Variants in SLCO6A1 observed in about 807,000 individuals in gnomAD.
SLCO6A1 encodes the protein cancer/testis antigen 48.
In SLCO6A1, 65 loss-of-function variants were observed where a neutral mutation model predicts 72.7. That is an observed-to-expected ratio of 0.89 (90% CI 0.73 to 1.10). The LOEUF (loss-of-function observed/expected upper bound fraction) is 1.10. Among genes scored for constraint, SLCO6A1 ranks in the 50% least tolerant of loss-of-function variants. The probability of loss-of-function intolerance (pLI) is 0.00; values close to 1 mark genes in which losing one functional copy is unlikely to be tolerated. For missense variants in SLCO6A1, 874 were observed against 872.6 expected, an observed-to-expected ratio of 1.00 and a Z score of -0.02; for synonymous variants, 314 against 298.2, an observed-to-expected ratio of 1.05 and a Z score of -0.55.
chr5:102,383,456 G>A (rs75053532), intron 12 of SLCO6A1, among the ~76,000 whole-genome samples: 2,436 of 151,542 alleles, frequency 0.016, 60 homozygotes, highest in African/African-American at 0.055. Flanking sequence ...TGAAATTATC[G>A]TATTATTTTT....
At chr5:102,425,082 A>C (rs549717462) in intron 7 of SLCO6A1, among the ~76,000 whole-genome samples, 20 of 152,318 alleles carry the variant, frequency 1.3e-4, no homozygotes, top group African/African-American at 4.6e-4. Flanking sequence ...CTTCATGCTA[A>C]AAACACTCAA....
At chr5:102,442,118 C>A (rs1749867706) in intron 6 of SLCO6A1, among the ~76,000 whole-genome samples, 1 of 152,086 alleles carries the variant, frequency 6.6e-6, no homozygotes. Flanking sequence ...GAATAAGAAA[C>A]AAATCTAGTT....
intron 6 of SLCO6A1, among the ~76,000 whole-genome samples, chr5:102,444,847 C>T (rs1750023657): frequency 6.6e-6 from 1 of 152,018 alleles, no homozygotes; most frequent in South Asian, 2.1e-4. Flanking sequence ...TTTTGTCACC[C>T]AGATAATCAG....
At chr5:102,434,244 C>A (rs1301666912) in intron 7 of SLCO6A1, among the ~76,000 whole-genome samples, 1 of 152,054 alleles carries the variant, frequency 6.6e-6, no homozygotes, top group Non-Finnish European at 1.5e-5. Flanking sequence ...GAGCACAGGA[C>A]AACTTTGCTT....
chr5:102,436,382 GT>G (rs1031563844), intron 7 of SLCO6A1, among the ~76,000 whole-genome samples: 1 of 152,126 alleles, frequency 6.6e-6, no homozygotes, highest in African/African-American at 2.4e-5. Flanking sequence ...TGCACATCAA[GT>G]TTCTGGGGGA....
chr5:102,479,064 G>T (rs1752054025), intron 2 of SLCO6A1, among the ~76,000 whole-genome samples: 1 of 152,060 alleles, frequency 6.6e-6, no homozygotes, highest in South Asian at 2.1e-4. Flanking sequence ...TTGGCTCTGT[G>T]TCCCCACCCT....
chr5:102,420,931 C>T (rs543526467), intron 7 of SLCO6A1, among the ~76,000 whole-genome samples: 9 of 152,032 alleles, frequency 5.9e-5, no homozygotes, highest in East Asian at 1.9e-4. Flanking sequence ...TTCATCTCAC[C>T]GGGACTCATT....
rs1440622039 is a variant in SLCO6A1, at chr5:102,438,671, T to C, written c.1222A>G (p.Ile408Val). The C allele has an allele frequency of 1.9e-6, 3 of 1,599,704 alleles. No individual in the cohort carries two copies. The highest frequency in any genetic ancestry group is 2.7e-5 in the African/African-American group (2 of 74,286). The change falls in exon 7 of 14, where the codon ATA (isoleucine) becomes GTA (valine). Residue 408 changes from isoleucine to valine, a missense_variant. Ile to Val is a conservative substitution (Grantham distance 29, BLOSUM62 3). Coordinates refer to ENST00000506729, the MANE Select transcript of SLCO6A1 (RefSeq NM_173488.5). ...AATATAAACTGATTTTCTAAATATA[T>C]AGGCAAAAATTCAGAAGCTCCAATA... The part of the protein sequence containing the change: ...VIIGASEFLP[I>V]YLENQFILTP...
chr5:102,486,662 G>T (rs910474643), intron 1 of SLCO6A1, among the ~76,000 whole-genome samples: 29 of 152,014 alleles, frequency 1.9e-4, no homozygotes, highest in African/African-American at 6.0e-4. Context: ...TGTAAATGTT[G>T]ATGTTAAATA....
chr5:102,427,397 G>C (rs111578402), intron 7 of SLCO6A1, among the ~76,000 whole-genome samples: 172 of 152,244 alleles, frequency 1.1e-3, no homozygotes, highest in Non-Finnish European at 2.0e-3. Flanking sequence ...CACATGGATA[G>C]TATATTCCCT....
At chr5:102,389,457 C>G (rs1159567063) in intron 11 of SLCO6A1, among the ~76,000 whole-genome samples, 5 of 83,456 alleles carry the variant, frequency 6.0e-5, no homozygotes, top group East Asian at 7.9e-4. Context: ...CCCCCACCCC[C>G]ACACACACAG....
chr5:102,441,869 G>GT (rs555465080), intron 6 of SLCO6A1, among the ~76,000 whole-genome samples: 6 of 151,272 alleles, frequency 4.0e-5, no homozygotes, highest in Middle Eastern at 3.4e-3. Context: ...TTATTCTATA[G>GT]TTTTTTTATT....
intron 7 of SLCO6A1, among the ~76,000 whole-genome samples, chr5:102,420,673 T>C (rs1561446912): frequency 6.6e-6 from 1 of 152,060 alleles, no homozygotes; most frequent in Non-Finnish European, 1.5e-5. Flanking sequence ...TGCAACTCCC[T>C]GTAATCCAAA....
Position 102,442,777 on chromosome 5 carries a change from C to A in SLCO6A1, c.1132-4016G>T, listed in dbSNP as rs564288753. Among the ~76,000 whole-genome samples, 3 of 152,280 alleles carry A rather than the reference C, an allele frequency of 2.0e-5. No individual in the cohort carries two copies. In the East Asian group the frequency reaches 5.8e-4, roughly 29 times the overall value. On this transcript the variant is annotated intron_variant, in intron 6 of 13. Transcript: ENST00000506729. ...ATTCAGCATTCATAAAGAAATGAGA[C>A]AACGGGTTGCGCGCAGTGGCTCATG...
intron 6 of SLCO6A1, among the ~76,000 whole-genome samples, chr5:102,455,048 T>C (rs1354103655): frequency 7.5e-6 from 1 of 133,522 alleles, no homozygotes; most frequent in African/African-American, 3.5e-5. Flanking sequence ...ATAACAAAGA[T>C]CTATGAAAAC....
intron 6 of SLCO6A1, among the ~76,000 whole-genome samples, chr5:102,440,260 A>G (rs1312254560): frequency 6.6e-6 from 1 of 152,132 alleles, no homozygotes; most frequent in Non-Finnish European, 1.5e-5. Context: ...AGGCCAGTCC[A>G]TTGCCTGTTA....
At chr5:102,444,846 C>T (rs1750023463) in intron 6 of SLCO6A1, among the ~76,000 whole-genome samples, 1 of 151,896 alleles carries the variant, frequency 6.6e-6, no homozygotes, top group Non-Finnish European at 1.5e-5. Flanking sequence ...ATTTTGTCAC[C>T]CAGATAATCA....
At chr5:102,492,140 C>T (rs2112864622) in intron 1 of SLCO6A1, among the ~76,000 whole-genome samples, 1 of 152,310 alleles carries the variant, frequency 6.6e-6, no homozygotes. Context: ...CCAATCACTT[C>T]CCACCAGGAC....
chr5:102,374,131 C>T (rs6878797), intron 12 of SLCO6A1, among the ~76,000 whole-genome samples: 2,412 of 151,762 alleles, frequency 0.016, 61 homozygotes, highest in African/African-American at 0.054. Flanking sequence ...TTGACCTTCC[C>T]GGCTCAAGCG....
Sources: gnomAD v4.1 joint callset for allele counts (sites outside exome capture counted in the v4.1 genomes callset) on GRCh38, gnomAD v4.1.1 for gene constraint, MANE v1.5 for transcripts, NCBI Gene and HGNC (gene_info 2026-07-23, HGNC 2026-07-21) for gene names.